The following TMEM11 variants were observed in gnomAD, a reference collection of about 807,000 sequenced individuals.
TMEM11 encodes the protein transmembrane protein 11, mitochondrial.
Under a neutral mutation model 17.0 loss-of-function variants are expected in TMEM11, and 1 was observed. The ratio of observed to expected loss-of-function variants is 0.06; its 90% CI spans 0.02 to 0.28. The LOEUF (loss-of-function observed/expected upper bound fraction) is 0.28, where lower values mean the gene tolerates loss of function less well. TMEM11 is among the 10% of genes least tolerant of loss of function. The pLI, the probability that TMEM11 is intolerant of heterozygous loss-of-function variation, is 1.00. For missense variants in TMEM11, 172 were observed against 252.9 expected (o/e 0.68, Z 2.17); for synonymous variants, 122 against 118.1 (o/e 1.03, Z -0.21).
At chr17:21,211,072 C>A (rs1375175047) in intron 1 of TMEM11, 58 of 1,289,844 alleles carry the variant, frequency 4.5e-5, no homozygotes, top group Non-Finnish European at 5.7e-5. Context: ...GATACCTGCA[C>A]TGTGCTTTCC....
chr17:21,203,704 A>AAAAAAAAAG (rs1974908879), intron 1 of TMEM11, among the ~76,000 whole-genome samples: 1 of 145,938 alleles, frequency 6.9e-6, no homozygotes, highest in Non-Finnish European at 1.5e-5. Context: ...GAAAAAAAAG[A>AAAAAAAAAG]AAAAAAAAGA....
intron 1 of TMEM11, among the ~76,000 whole-genome samples, chr17:21,204,489 G>A (rs1213626080): frequency 6.7e-6 from 1 of 148,398 alleles, no homozygotes; most frequent in African/African-American, 2.5e-5. Context: ...TAACAGCAAA[G>A]TCTCCAACTG....
intron 1 of TMEM11, among the ~76,000 whole-genome samples, chr17:21,210,087 G>A (rs1974986625): frequency 6.6e-6 from 1 of 152,184 alleles, no homozygotes; most frequent in African/African-American, 2.4e-5. Flanking sequence ...ACAAGCCGGG[G>A]CAGAGGAGCC....
intron 1 of TMEM11, 117 bp downstream of exon 1, chr17:21,213,974 G>A (rs1328442321): frequency 2.9e-6 from 3 of 1,023,358 alleles, no homozygotes; most frequent in Non-Finnish European, 4.2e-6. Flanking sequence ...GCCCGGCGAG[G>A]GTAGGGGGAG....
chr17:21,208,391 C>T (rs761149405), intron 1 of TMEM11: 1 of 151,870 alleles, frequency 6.6e-6, no homozygotes, highest in East Asian at 1.9e-4. Context: ...GGACCAGATA[C>T]CCGTGGGAGG....
Position 21,198,933 on chromosome 17 carries a change from T to A in TMEM11, c.63-93A>T, listed in dbSNP as rs995353859. The A allele has an allele frequency of 5.7e-5, 80 of 1,413,580 alleles. No homozygotes were observed. The highest frequency in any genetic ancestry group is 7.5e-5 in the Non-Finnish European group (78 of 1,046,136). 87.6% of individuals were successfully genotyped at this position (1,413,580 alleles called of 1,614,324 possible). On this transcript the variant is annotated intron_variant, in intron 1 of 1. Transcript: ENST00000317635. This position sits in a 1 kb window ranked among gnomAD's most constrained non-coding sequence, Gnocchi z 6.5. ...AACTGTGTTTCAGCGCTGGGGGAGG[T>A]CTGAGCCTGCACTGCGGAGAGCACA...
At chr17:21,212,473 C>T (rs1340936818) in intron 1 of TMEM11, among the ~76,000 whole-genome samples, 2 of 152,132 alleles carry the variant, frequency 1.3e-5, no homozygotes, top group Non-Finnish European at 1.5e-5. Flanking sequence ...TTTCAGGGAG[C>T]GTTTTATATG....
In TMEM11 at chr17:21,198,633, G is replaced by C. The variant is rs769358201; in HGVS notation, c.270C>G (p.Thr90=). 1.2e-6 allele frequency: 2 copies of C among 1,613,150 alleles called. No individual in the cohort carries two copies. The highest frequency in any genetic ancestry group is 1.7e-5 in the Admixed American group (1 of 60,020). ...GCGCCAACGGGGTGAAGAGGCAGGC[G>C]GTGCCCGCCAGCACGGCCGTCTTGT... ...CLHKTAVLAG[T]ACLFTPLALP... Residue 90 remains threonine (T), a synonymous_variant, in exon 2 of 2, where the codon ACC becomes ACG. Coordinates refer to ENST00000317635, the MANE Select transcript of TMEM11 (RefSeq NM_003876.3). This position sits in a 1 kb window ranked among gnomAD's most constrained non-coding sequence, Gnocchi z 6.5.
intron 1 of TMEM11, chr17:21,213,486 T>C (rs1315148547): frequency 6.6e-6 from 1 of 152,398 alleles, no homozygotes. Context: ...AAAGGACTTC[T>C]ACGGCAGGAG....
intron 1 of TMEM11, among the ~76,000 whole-genome samples, chr17:21,202,444 G>A (rs1425630886): frequency 6.6e-6 from 1 of 152,134 alleles, no homozygotes; most frequent in Non-Finnish European, 1.5e-5. Context: ...GCAGGCCAGC[G>A]CCATCCTGAA....
chr17:21,201,769 G>A (rs1974885437), intron 1 of TMEM11, among the ~76,000 whole-genome samples: 1 of 152,102 alleles, frequency 6.6e-6, no homozygotes, highest in South Asian at 2.1e-4. Context: ...CTACAGGTAT[G>A]TGCCACCACG....
intron 1 of TMEM11, chr17:21,208,274 G>A (rs973232369): frequency 5.3e-5 from 8 of 152,180 alleles, no homozygotes; most frequent in Admixed American, 2.6e-4. Context: ...TTACAGGCAT[G>A]AGCCACTGCG....
At chr17:21,201,364 T>A (rs1974881783) in intron 1 of TMEM11, among the ~76,000 whole-genome samples, 1 of 152,244 alleles carries the variant, frequency 6.6e-6, no homozygotes, top group African/African-American at 2.4e-5. Context: ...TTAAACGGCA[T>A]GCACTGGGGA....
At chr17:21,205,857 C>T (rs749410841) in intron 1 of TMEM11, among the ~76,000 whole-genome samples, 1 of 152,096 alleles carries the variant, frequency 6.6e-6, no homozygotes, top group Non-Finnish European at 1.5e-5. Flanking sequence ...CTTCAAGGTT[C>T]ATCCATATTG....
chr17:21,209,073 A>G (rs1974974958), intron 1 of TMEM11, among the ~76,000 whole-genome samples: 1 of 152,240 alleles, frequency 6.6e-6, no homozygotes, highest in African/African-American at 2.4e-5. Flanking sequence ...CCAGACTCAA[A>G]GGCACGGGCA....
chr17:21,202,131 G>A (rs1469812451), intron 1 of TMEM11, among the ~76,000 whole-genome samples: 1 of 152,204 alleles, frequency 6.6e-6, no homozygotes, highest in Non-Finnish European at 1.5e-5. Context: ...GAGCACTCCT[G>A]GCCAAGAGAA....
chr17:21,208,492 G>A (rs1362253577), intron 1 of TMEM11: 3 of 151,998 alleles, frequency 2.0e-5, no homozygotes, highest in Admixed American at 6.6e-5. Context: ...GTCTGGACGC[G>A]GGCAGCTTCT....
intron 1 of TMEM11, among the ~76,000 whole-genome samples, chr17:21,202,505 C>T (rs1176562768): frequency 3.9e-5 from 6 of 152,146 alleles, no homozygotes; most frequent in Non-Finnish European, 8.8e-5. Context: ...GTGGAAACCC[C>T]GGTCCTGGAA....
At chr17:21,210,085 G>C (rs755906279) in intron 1 of TMEM11, among the ~76,000 whole-genome samples, 3 of 152,172 alleles carry the variant, frequency 2.0e-5, no homozygotes, top group Admixed American at 6.5e-5. Context: ...CGACAAGCCG[G>C]GGCAGAGGAG....
Sources: gnomAD v4.1 joint callset for allele counts (sites outside exome capture counted in the v4.1 genomes callset) on GRCh38, gnomAD v4.1.1 for gene constraint, Gnocchi (gnomAD v3.1) non-coding constraint, MANE v1.5 for transcripts, NCBI Gene and HGNC (gene_info 2026-07-23, HGNC 2026-07-21) for gene names.